The following PDE10A variants were observed in gnomAD, a reference collection of about 807,000 sequenced individuals.
PDE10A encodes phosphodiesterase 10A, also known as cAMP and cAMP-inhibited cGMP 3',5'-cyclic phosphodiesterase 10A.
Under a neutral mutation model 97.7 loss-of-function variants are expected in PDE10A, and 39 were observed. The observed-to-expected ratio is 0.40, with a 90% CI of 0.31 to 0.52. The LOEUF is 0.52. PDE10A is among the 20% of genes least tolerant of loss of function. The pLI is 0.56. For missense variants in PDE10A, 731 were observed against 1,047.8 expected (o/e 0.70, Z 4.17); for synonymous variants, 371 against 376.8 (o/e 0.98, Z 0.18).
chr6:165,943,564 G>A (rs928948601), intron 1 of PDE10A, among the ~76,000 whole-genome samples: 2 of 152,148 alleles, frequency 1.3e-5, no homozygotes, highest in South Asian at 2.1e-4. Context: ...CCAAAGGTCT[G>A]AGAACCTGGA....
chr6:165,517,208 T>C lies in PDE10A; in HGVS notation c.994+26232A>G, dbSNP rs1263101944. ...TTAATTTAATTAGAAAACTAGTAAA[T>C]AAACTACATGTCTATGAAATTGAAA... On this transcript the variant is annotated intron_variant, in intron 2 of 21. Transcript: ENST00000539869. Among the ~76,000 whole-genome samples the C allele has an allele frequency of 3.3e-5, 5 of 152,264 alleles. No individual in the cohort carries two copies. In the South Asian group the frequency reaches 1.0e-3, roughly 32 times the overall value.
rs534239965 is a variant in PDE10A at position 165,730,380 on chromosome 6, G to A, written c.-614-186812C>T. Among the ~76,000 whole-genome samples, 44 of 152,176 alleles carry A rather than the reference G, an allele frequency of 2.9e-4. No homozygotes were observed. The South Asian group carries it at 5.0e-3, about 17-fold the overall frequency. Reference sequence around the variant, plus strand: ...TCGGTTCCCGTGTCAAATAAATCACGTCCCCCATCCCAGAGCATTTTCTCT... The same window carrying A: ...TCGGTTCCCGTGTCAAATAAATCACATCCCCCATCCCAGAGCATTTTCTCT... On this transcript the variant is annotated intron_variant, in intron 1 of 19. Transcript: ENST00000366882.
chr6:165,896,077 G>A (rs766471346), intron 1 of PDE10A, among the ~76,000 whole-genome samples: 15 of 152,158 alleles, frequency 9.9e-5, no homozygotes, highest in Non-Finnish European at 1.2e-4. Flanking sequence ...CATCCTGCCC[G>A]GGCCGTGGTG....
intron 3 of PDE10A, among the ~76,000 whole-genome samples, chr6:165,471,220 G>A (rs1368901336): frequency 5.3e-5 from 8 of 152,102 alleles, no homozygotes; most frequent in Non-Finnish European, 8.8e-5. Context: ...AGAAACATAT[G>A]CCCCTGATTC....
At chr6:165,494,732 A>C in intron 2 of PDE10A, among the ~76,000 whole-genome samples, 1 of 152,062 alleles carries the variant, frequency 6.6e-6, no homozygotes, top group Admixed American at 6.6e-5. Context: ...AATTTCCTTG[A>C]GGTTTAACAT....
At chr6:165,930,502 C>T (rs1327295745) in intron 1 of PDE10A, among the ~76,000 whole-genome samples, 2 of 152,116 alleles carry the variant, frequency 1.3e-5, no homozygotes, top group Non-Finnish European at 2.9e-5. Context: ...GTGTTGTTTC[C>T]CTGCTGAATT....
At chr6:165,776,528 C>A (rs1452292781) in intron 1 of PDE10A, among the ~76,000 whole-genome samples, 1 of 152,146 alleles carries the variant, frequency 6.6e-6, no homozygotes, top group Non-Finnish European at 1.5e-5. Context: ...ATGCATATGC[C>A]GATCATTAGC....
At chr6:165,633,793 A>AG (rs1788744949) in intron 1 of PDE10A, among the ~76,000 whole-genome samples, 1 of 50,624 alleles carries the variant, frequency 2.0e-5, no homozygotes, top group Non-Finnish European at 4.8e-5. Flanking sequence ...ACGCCGGGCT[A>AG]ATTTTTTTTT....
intron 15 of PDE10A, among the ~76,000 whole-genome samples, chr6:165,394,657 TG>T (rs1436402455): frequency 6.6e-6 from 1 of 152,214 alleles, no homozygotes; most frequent in Non-Finnish European, 1.5e-5. Flanking sequence ...TTTTCTACAA[TG>T]GTTGAACTAA....
At position 165,603,555 on chromosome 6, in the gene PDE10A, T is replaced by C. The variant is rs1419294271; in HGVS notation, c.865+58392A>G. The stretch of plus-strand genomic sequence containing the variant: ...AAAGCATTCGGTTCTTAAGATACAC[T>C]GTTATTTCCTGAGGTACCTTTAAGT... On this transcript the variant is annotated intron_variant, in intron 1 of 21. Transcript: ENST00000539869. Among the ~76,000 whole-genome samples, 2 of 152,358 alleles carry C rather than the reference T, an allele frequency of 1.3e-5. 1 individual carries two copies. The highest frequency in any genetic ancestry group is 4.1e-4 in the South Asian group (2 of 4,824).
chr6:165,937,012 A>G (rs988219285), intron 1 of PDE10A, among the ~76,000 whole-genome samples: 8 of 152,194 alleles, frequency 5.3e-5, no homozygotes, highest in African/African-American at 1.9e-4. Flanking sequence ...CAAATTTTGG[A>G]AGACCATTTG....
intron 1 of PDE10A, among the ~76,000 whole-genome samples, chr6:165,669,254 AGAG>A (rs1481081816): frequency 6.6e-6 from 1 of 152,244 alleles, no homozygotes; most frequent in African/African-American, 2.4e-5. Flanking sequence ...TTAGTGAGCC[AGAG>A]ACACCCGGTG....
chr6:165,819,758 CCTA>C lies in PDE10A; in HGVS notation c.-615+167768_-615+167770del, dbSNP rs1407059920. ...AGCACATTCCGGCCAGGATCTGAAA[CCTA>C]CTGCAGTGCCTACAACAGTGCCTGC... On this transcript the variant is annotated intron_variant, in intron 1 of 19. Coordinates refer to the PDE10A transcript ENST00000366882. The surrounding 1 kb of genome is among the most constrained non-coding windows in gnomAD (Gnocchi z 4.2). 6.6e-6 allele frequency among the ~76,000 whole-genome samples: 1 copy of C among 152,164 alleles called. No homozygotes were observed. Among genetic ancestry groups the C allele is most frequent in the Non-Finnish European group, 1.5e-5 (1 of 68,032 alleles).
intron 1 of PDE10A, among the ~76,000 whole-genome samples, chr6:165,893,034 T>C (rs1248138705): frequency 6.6e-6 from 1 of 152,200 alleles, no homozygotes; most frequent in Non-Finnish European, 1.5e-5. Flanking sequence ...GGATTTAAGC[T>C]TTTATGGGGT....
intron 17 of PDE10A, among the ~76,000 whole-genome samples, chr6:165,381,621 C>T (rs1412317195): frequency 2.7e-5 from 4 of 148,162 alleles, no homozygotes; most frequent in Non-Finnish European, 5.9e-5. Context: ...CGCACCACCA[C>T]ACCTGGCTAA....
intron 1 of PDE10A, among the ~76,000 whole-genome samples, chr6:165,969,277 AC>A (rs1784601488): frequency 6.6e-6 from 1 of 152,196 alleles, no homozygotes; most frequent in Non-Finnish European, 1.5e-5. Context: ...TCTTCCCCTG[AC>A]AAGATAAGCA....
chr6:165,839,439 G>C (rs761429460), intron 1 of PDE10A, among the ~76,000 whole-genome samples: 2 of 152,172 alleles, frequency 1.3e-5, no homozygotes, highest in Non-Finnish European at 2.9e-5. Context: ...ATGTAAATTA[G>C]ATTTCTTTTT....
At chr6:165,913,013 T>C (rs374902242) in intron 1 of PDE10A, among the ~76,000 whole-genome samples, 2 of 152,266 alleles carry the variant, frequency 1.3e-5, no homozygotes, top group African/African-American at 4.8e-5. Flanking sequence ...ACATTTTGAG[T>C]GCTGTTACAA....
intron 1 of PDE10A, among the ~76,000 whole-genome samples, chr6:165,678,804 A>G (rs1459898614): frequency 6.6e-6 from 1 of 152,208 alleles, no homozygotes. Flanking sequence ...ATGAGCATGC[A>G]CATTCTTTTT....
Sources: gnomAD v4.1 joint callset for allele counts (sites outside exome capture counted in the v4.1 genomes callset) on GRCh38, gnomAD v4.1.1 for gene constraint, Gnocchi (gnomAD v3.1) non-coding constraint, MANE v1.5 for transcripts, NCBI Gene and HGNC (gene_info 2026-07-23, HGNC 2026-07-21) for gene names.